The following EFL1 variants were observed in gnomAD, a reference collection of about 807,000 sequenced individuals.
EFL1 encodes elongation factor like GTPase 1, also known as elongation factor-like GTPase 1.
EFL1 carries 76 observed loss-of-function variants against 126.7 expected under a neutral mutation model. That is an observed-to-expected ratio of 0.60 (90% CI 0.50 to 0.73). EFL1 has a LOEUF of 0.73. Among genes scored for constraint, EFL1 ranks in the 30% least tolerant of loss-of-function variants. The pLI, the probability that EFL1 is intolerant of heterozygous loss-of-function variation, is 0.00. For missense variants in EFL1, 1,128 were observed against 1,343.2 expected (o/e 0.84, Z 2.50); for synonymous variants, 410 against 448.4 (o/e 0.91, Z 1.08).
intron 17 of EFL1, among the ~76,000 whole-genome samples, chr15:82,156,625 T>C (rs1231070212): frequency 5.3e-5 from 8 of 149,754 alleles, no homozygotes; most frequent in Non-Finnish European, 1.2e-4. Flanking sequence ...CAGGTGTTGT[T>C]GTATAGTTAC....
intron 19 of EFL1, among the ~76,000 whole-genome samples, chr15:82,137,944 T>C (rs956399876): frequency 1.3e-5 from 2 of 152,212 alleles, no homozygotes; most frequent in African/African-American, 2.4e-5. Context: ...TCTGACCTTA[T>C]CTTTGCCACT....
Position 82,247,181 on chromosome 15 carries a change from G to C in EFL1, c.244+5510C>G, listed in dbSNP as rs72751606. Among the ~76,000 whole-genome samples the C allele has an allele frequency of 6.9e-3, 1,045 of 152,218 alleles. 9 individuals carry two copies. Among genetic ancestry groups the C allele is most frequent in the Non-Finnish European group, 8.2e-3 (556 of 68,020 alleles). The stretch of plus-strand genomic sequence containing the variant: ...AGAATGGGTACCTCATTAATCAGGT[G>C]AAAGAAAGAGCTGGGAGAATCAAAG... On this transcript the variant is annotated intron_variant, in intron 4 of 19. Transcript: ENST00000268206.
chr15:82,152,792 T>C (rs1220993793), intron 17 of EFL1, among the ~76,000 whole-genome samples: 1 of 152,144 alleles, frequency 6.6e-6, no homozygotes, highest in Non-Finnish European at 1.5e-5. Flanking sequence ...TCTAAGAGTG[T>C]GGAGAAGAAA....
Position 82,157,748 on chromosome 15 carries a change from G to A in EFL1, c.1995C>T (p.Val665=). 1 of 1,613,412 alleles carries A rather than the reference G, an allele frequency of 6.2e-7. No homozygotes were observed. The highest frequency in any genetic ancestry group is 8.5e-7 in the Non-Finnish European group (1 of 1,179,584). Residue 665 remains valine (V), a synonymous_variant, in exon 17 of 20, where the codon GTC becomes GTT. Coordinates refer to ENST00000268206, the MANE Select transcript of EFL1 (RefSeq NM_024580.6). ...AGTCATCCAGGCATCGCTGAAGGTGGACTTCTCCTGCTGTGACTAAAACGT... is the reference window on the plus strand; with the variant it reads ...AGTCATCCAGGCATCGCTGAAGGTGAACTTCTCCTGCTGTGACTAAAACGT... ...GEHVLVTAGE[V]HLQRCLDDLK... is the part of the protein sequence containing the mutation.
chr15:82,225,615 G>A lies in EFL1; in HGVS notation c.1193-351C>T, dbSNP rs72749587. Among the ~76,000 whole-genome samples, 1,054 of 152,350 alleles carry A rather than the reference G, an allele frequency of 6.9e-3. 10 individuals are homozygous for A. Among genetic ancestry groups the A allele is most frequent in the Non-Finnish European group, 8.2e-3 (556 of 68,036 alleles). ...TGTATCAAGTATAGAAAATAGAATT[G>A]AGGAATGTTACCAAAGGCCAACAAT... is the stretch of plus-strand genomic sequence containing the variant. On this transcript the variant is annotated intron_variant, in intron 11 of 19. Coordinates refer to ENST00000268206, the MANE Select transcript of EFL1 (RefSeq NM_024580.6).
At chr15:82,182,408 C>T (rs2088858) in intron 15 of EFL1, among the ~76,000 whole-genome samples, 101,429 of 152,112 alleles carry the variant, frequency 0.67, 35,613 homozygotes, top group African/African-American at 0.89. Context: ...TTAGGTTTTC[C>T]TTCATGAAGC....
chr15:82,174,421 A>G (rs1364109738), intron 15 of EFL1: 1 of 152,214 alleles, frequency 6.6e-6, no homozygotes, highest in East Asian at 1.9e-4. Context: ...AAAAATAACT[A>G]GAAGTTAAAA....
rs564883858 is a variant in EFL1, at chr15:82,151,211, T to C, written c.2989+254A>G. On this transcript the variant is annotated intron_variant, in intron 18 of 19. Transcript: ENST00000268206. ...ACCAACCTGGGCAACGTTGCGAAAC[T>C]CAGTCTCTACAAAAAACACAAAAAA... Among the ~76,000 whole-genome samples, 4 of 152,192 alleles carry C rather than the reference T, an allele frequency of 2.6e-5. No individual in the cohort carries two copies. The South Asian group carries it at 6.2e-4, about 24-fold the overall frequency.
chr15:82,231,805 A>G (rs1336500207), intron 7 of EFL1, among the ~76,000 whole-genome samples: 2 of 152,210 alleles, frequency 1.3e-5, no homozygotes, highest in Non-Finnish European at 2.9e-5. Flanking sequence ...TGACTCTTTA[A>G]TCACTCTTCC....
intron 17 of EFL1, among the ~76,000 whole-genome samples, chr15:82,153,512 A>ATT (rs906032196): frequency 3.3e-5 from 5 of 152,320 alleles, no homozygotes; most frequent in African/African-American, 9.6e-5. Flanking sequence ...TACATGTAGT[A>ATT]TTTCTTTAGT....
At chr15:82,205,488 T>C (rs1262594234) in intron 15 of EFL1, among the ~76,000 whole-genome samples, 1 of 152,036 alleles carries the variant, frequency 6.6e-6, no homozygotes, top group Non-Finnish European at 1.5e-5. Flanking sequence ...TCTTTCCTCT[T>C]TTCCTACCTA....
At position 82,240,479 on chromosome 15, in the gene EFL1, A is replaced by G. The variant is rs1293726304; in HGVS notation, c.455T>C (p.Ile152Thr). Residue 152 changes from isoleucine (I) to threonine (T), a missense_variant, in exon 6 of 20, where the codon ATA becomes ACA. Coordinates refer to ENST00000268206, the MANE Select transcript of EFL1 (RefSeq NM_024580.6). ...TTGTGGGGTGAATTTCAGTTCCACT[A>G]TCAAGCGATCAATCTTATTAATCAC... ...VLVINKIDRL[I>T]VELKFTPQEA... 3.1e-6 allele frequency: 5 copies of G among 1,613,996 alleles called. No individual in the cohort carries two copies. Among genetic ancestry groups the G allele is most frequent in the Non-Finnish European group, 4.2e-6 (5 of 1,179,916 alleles).
At chr15:82,238,906 C>T (rs2074901879) in intron 6 of EFL1, among the ~76,000 whole-genome samples, 1 of 152,132 alleles carries the variant, frequency 6.6e-6, no homozygotes. Flanking sequence ...CATCGGCTGT[C>T]TGAAATGTGC....
At chr15:82,210,806 G>C (rs1466830429) in intron 15 of EFL1, among the ~76,000 whole-genome samples, 3 of 148,838 alleles carry the variant, frequency 2.0e-5, no homozygotes, top group Non-Finnish European at 4.4e-5. Flanking sequence ...AGGTTTCAGT[G>C]AGCTAAGATT....
intron 18 of EFL1, among the ~76,000 whole-genome samples, chr15:82,140,928 A>G (rs571125145): frequency 1.3e-5 from 2 of 152,292 alleles, no homozygotes; most frequent in South Asian, 4.1e-4. Context: ...CCATCTTTGG[A>G]TAACTGTAAC....
chr15:82,181,561 C>G (rs751543686), intron 15 of EFL1, among the ~76,000 whole-genome samples: 1 of 151,856 alleles, frequency 6.6e-6, no homozygotes, highest in African/African-American at 2.4e-5. Flanking sequence ...CACTCTTCAT[C>G]GGGAAAGTAT....
intron 3 of EFL1, among the ~76,000 whole-genome samples, chr15:82,257,775 G>A (rs2075078776): frequency 6.6e-6 from 1 of 152,090 alleles, no homozygotes; most frequent in South Asian, 2.1e-4. Context: ...TTACATTAGG[G>A]TTCACTCTTT....
intron 18 of EFL1, among the ~76,000 whole-genome samples, chr15:82,141,806 G>C (rs567443812): frequency 8.5e-5 from 13 of 152,244 alleles, no homozygotes; most frequent in Non-Finnish European, 1.2e-4. Flanking sequence ...CACGAATAAG[G>C]GGCCAGTGGG....
chr15:82,138,095 T>C (rs1287346525), intron 19 of EFL1, among the ~76,000 whole-genome samples: 2 of 152,270 alleles, frequency 1.3e-5, no homozygotes, highest in East Asian at 3.9e-4. Context: ...ACACTGACAA[T>C]GAAGGGTTCT....
Sources: allele counts gnomAD v4.1 joint callset (sites outside exome capture counted in the v4.1 genomes callset), GRCh38; gene constraint gnomAD v4.1.1; transcripts MANE v1.5; gene names NCBI Gene and HGNC (gene_info 2026-07-23, HGNC 2026-07-21).